The following IFT27 variants were observed in gnomAD, a reference collection of about 807,000 sequenced individuals.
The protein encoded by IFT27 is intraflagellar transport 27.
IFT27 carries 19 observed loss-of-function variants against 23.9 expected under a neutral mutation model. The observed-to-expected ratio is 0.79, with a 90% CI of 0.55 to 1.16. The LOEUF (loss-of-function observed/expected upper bound fraction) is 1.16, where lower values mean the gene tolerates loss of function less well. IFT27 is among the 50% of genes most tolerant of loss of function. The probability of loss-of-function intolerance (pLI) is 0.00; values close to 1 mark genes in which losing one functional copy is unlikely to be tolerated. For missense variants in IFT27, 206 were observed against 228.7 expected, an observed-to-expected ratio of 0.90 and a Z score of 0.64; for synonymous variants, 91 against 89.1, an observed-to-expected ratio of 1.02 and a Z score of -0.12.
intron 1 of IFT27, among the ~76,000 whole-genome samples, chr22:36,771,838 C>T (rs1938392847): frequency 6.6e-6 from 1 of 152,210 alleles, no homozygotes; most frequent in Non-Finnish European, 1.5e-5. Flanking sequence ...GTGGCATCAA[C>T]AGGTGGACCC....
chr22:36,772,751 C>A, intron 1 of IFT27: 7 of 984,978 alleles, frequency 7.1e-6, no homozygotes, highest in Non-Finnish European at 8.4e-6. Context: ...TTGAACTGAA[C>A]GTCAGGTCCT....
chr22:36,775,468 G>A (rs562452332), intron 1 of IFT27, among the ~76,000 whole-genome samples: 2 of 152,274 alleles, frequency 1.3e-5, no homozygotes, highest in Admixed American at 1.3e-4. Flanking sequence ...CAGGGAGCAG[G>A]GGGAAATCCA....
At chr22:36,758,644 G>A (rs1349144266) in intron 6 of IFT27, 3 of 548,982 alleles carry the variant, frequency 5.5e-6, no homozygotes, top group Non-Finnish European at 9.8e-6. Context: ...GTGAATGGTG[G>A]AGCTGGGGCC....
At chr22:36,761,498 G>A (rs944416055) in intron 6 of IFT27, 4 of 152,200 alleles carry the variant, frequency 2.6e-5, no homozygotes, top group Admixed American at 2.6e-4. Context: ...GATTTAGTAA[G>A]TAATAACAGT....
intron 1 of IFT27, 114 bp downstream of exon 1, chr22:36,775,560 T>G: frequency 9.0e-6 from 10 of 1,113,982 alleles, no homozygotes; most frequent in Non-Finnish European, 1.4e-5. Context: ...TAACTCGCCT[T>G]TGGGAGAGAG....
rs142932315 is a variant in IFT27, at chr22:36,772,879, G to A, written c.34+2795C>T. 2.4e-3 allele frequency among the ~76,000 whole-genome samples: 360 copies of A among 152,236 alleles called. 3 individuals are homozygous for A. The highest frequency in any genetic ancestry group is 8.4e-3 in the African/African-American group (348 of 41,530). On this transcript the variant is annotated intron_variant, in intron 1 of 6. Coordinates refer to ENST00000433985, the MANE Select transcript of IFT27 (RefSeq NM_001177701.3). ...GTGTGTGGTGGGGGTGGGTGGACAG[G>A]TGTCAGAGGGGGCTGATTTCTGGGC... is the stretch of plus-strand genomic sequence containing the variant.
intron 6 of IFT27, chr22:36,762,374 C>T (rs1601492840): frequency 1.3e-5 from 2 of 152,346 alleles, no homozygotes; most frequent in Admixed American, 6.5e-5. Flanking sequence ...TTTTAACTGG[C>T]AGGCACTTTG....
At chr22:36,773,864 C>T (rs1212002968) in intron 1 of IFT27, among the ~76,000 whole-genome samples, 1 of 152,090 alleles carries the variant, frequency 6.6e-6, no homozygotes. Flanking sequence ...AATGCCAATC[C>T]CACAGGGTTG....
chr22:36,758,536 G>A (rs1937994085), intron 6 of IFT27, 127 bp from the exon 7 acceptor site: 2 of 697,860 alleles, frequency 2.9e-6, no homozygotes. Context: ...CGCCCTTCGA[G>A]GTAGCCACTT....
At chr22:36,758,785 C>T (rs564265073) in intron 6 of IFT27, 2 of 207,974 alleles carry the variant, frequency 9.6e-6, no homozygotes, top group East Asian at 1.3e-4. Flanking sequence ...TACCAAGGAA[C>T]CTGGAGCCCC....
chr22:36,770,420 C>G (rs920613061), intron 1 of IFT27, among the ~76,000 whole-genome samples: 2 of 152,158 alleles, frequency 1.3e-5, no homozygotes, highest in African/African-American at 4.8e-5. Flanking sequence ...CGGCGGCGCT[C>G]TGCTCCTAGT....
At chr22:36,763,471 C>T (rs1321849188) in intron 5 of IFT27, 1 of 286,260 alleles carries the variant, frequency 3.5e-6, no homozygotes, top group Admixed American at 4.9e-5. Flanking sequence ...GAGCCTGTCT[C>T]TGGAGATCAC....
At chr22:36,764,256 A>G (rs1001469198) in intron 4 of IFT27, among the ~76,000 whole-genome samples, 1 of 152,274 alleles carries the variant, frequency 6.6e-6, no homozygotes, top group Non-Finnish European at 1.5e-5. Flanking sequence ...CGCCAAGGAC[A>G]AGAGCTCATG....
At position 36,763,923 on chromosome 22, in the gene IFT27, G is replaced by T; in HGVS notation, c.348C>A (p.Leu116=). 2 of 1,608,998 alleles carry T rather than the reference G, an allele frequency of 1.2e-6. No homozygotes were observed. The change falls in exon 5 of 7, where the codon CTC becomes CTA. Residue 116 remains leucine, a synonymous_variant. Coordinates refer to ENST00000433985, the MANE Select transcript of IFT27 (RefSeq NM_001177701.3). ...KARSQAPGIS[L]PGVLVGNKTD... ...ATGGGTGTCTGCAGCCCGTACCTGG[G>T]AGAGAGATGCCTGGAGCCTGTGACC...
Position 36,767,487 on chromosome 22 carries a change from C to T in IFT27, c.115-122G>A, listed in dbSNP as rs549897575. The T allele has an allele frequency of 1.3e-4, 107 of 855,324 alleles. No homozygotes were observed. In the East Asian group the frequency reaches 2.6e-3, roughly 20 times the overall value. The allele number at this position is 855,324 out of a possible 1,614,324, so 53.0% of individuals were successfully genotyped here. ...CTCCAGTGGAAGGGTTTGTTCTGGA[C>T]TCATTCTTGTGAGAAGCAGCTCAGC... On this transcript the variant is annotated intron_variant, in intron 2 of 6. Coordinates refer to ENST00000433985, the MANE Select transcript of IFT27 (RefSeq NM_001177701.3).
chr22:36,767,970 G>T (rs1198645764), intron 1 of IFT27, 108 bp from the exon 2 acceptor site: 1 of 1,011,182 alleles, frequency 9.9e-7, no homozygotes, highest in Non-Finnish European at 1.6e-6. Flanking sequence ...TGAGTTTTGA[G>T]AGATGTACTT....
At chr22:36,767,058 T>C (rs1452309095) in intron 3 of IFT27, 2 of 341,010 alleles carry the variant, frequency 5.9e-6, no homozygotes, top group Non-Finnish European at 5.4e-6. Context: ...ATAAAGAGAC[T>C]CAAGAACCTT....
intron 3 of IFT27, chr22:36,766,400 C>T (rs1938251144): frequency 1.8e-6 from 1 of 571,060 alleles, no homozygotes; most frequent in South Asian, 2.0e-5. Flanking sequence ...AGAGGCAGTA[C>T]GACGGGTTCT....
At chr22:36,773,169 G>T (rs1392464814) in intron 1 of IFT27, among the ~76,000 whole-genome samples, 1 of 152,028 alleles carries the variant, frequency 6.6e-6, no homozygotes, top group Non-Finnish European at 1.5e-5. Flanking sequence ...AGACCAGCCT[G>T]ACCAACTGGT....
Sources: allele counts gnomAD v4.1 joint callset (sites outside exome capture counted in the v4.1 genomes callset), GRCh38; gene constraint gnomAD v4.1.1; transcripts MANE v1.5; gene names NCBI Gene and HGNC (gene_info 2026-07-23, HGNC 2026-07-21).